Variants in ANKMY1 observed in about 807,000 individuals in gnomAD.
ANKMY1 encodes ankyrin repeat and MYND domain containing 1, also known as ankyrin repeat and MYND domain-containing protein 1.
In ANKMY1, 98 loss-of-function variants were observed where a neutral mutation model predicts 102.0. That is an observed-to-expected ratio of 0.96 (90% CI 0.82 to 1.14). The LOEUF (loss-of-function observed/expected upper bound fraction) is 1.14. Among genes scored for constraint, ANKMY1 ranks in the 50% most tolerant of loss-of-function variants. ANKMY1 has a pLI of 0.00. For missense variants in ANKMY1, 1,330 were observed against 1,347.6 expected (o/e 0.99, Z 0.20); for synonymous variants, 582 against 559.9 (o/e 1.04, Z -0.56).
chr2:240,468,635 G>A, the ANKMY1 span, among the ~76,000 whole-genome samples: 1 of 152,254 alleles, frequency 6.6e-6, no homozygotes, highest in Non-Finnish European at 1.5e-5. Flanking sequence ...ACTGTTCTGG[G>A]TGTGTCCCTC....
chr2:240,491,768 T>G (rs2076683631), intron 15 of ANKMY1, among the ~76,000 whole-genome samples: 1 of 152,210 alleles, frequency 6.6e-6, no homozygotes, highest in Non-Finnish European at 1.5e-5. Context: ...ATGTTTCTGC[T>G]GAGAAATTTG....
intron 15 of ANKMY1, among the ~76,000 whole-genome samples, chr2:240,490,968 T>C (rs1205205527): frequency 6.6e-6 from 1 of 152,196 alleles, no homozygotes; most frequent in African/African-American, 2.4e-5. Flanking sequence ...TATATCTATC[T>C]GTCTTTAGAT....
intron 4 of ANKMY1, among the ~76,000 whole-genome samples, chr2:240,538,711 C>T (rs559268096): frequency 6.6e-6 from 1 of 152,286 alleles, no homozygotes; most frequent in East Asian, 1.9e-4. Flanking sequence ...GTGCGATCCA[C>T]TAGGCAAAGC....
In ANKMY1 at chr2:240,529,646, T is replaced by C. The variant is rs766133825; in HGVS notation, c.481-137A>G. ...CATGCATTCAGCCAGTAAACATCTCTGGAGGCTTAGGCTGTGCCGCCCAGG... is the reference window on the plus strand; with the variant it reads ...CATGCATTCAGCCAGTAAACATCTCCGGAGGCTTAGGCTGTGCCGCCCAGG... On this transcript the variant is annotated intron_variant, in intron 4 of 17. Coordinates refer to ENST00000401804, the MANE Select transcript of ANKMY1 (RefSeq NM_001282771.3). This position sits in a 1 kb window ranked among gnomAD's most constrained non-coding sequence, Gnocchi z 4.2. The C allele has an allele frequency of 1.1e-6, 1 of 880,834 alleles. No individual in the cohort carries two copies. Among genetic ancestry groups the C allele is most frequent in the South Asian group, 1.8e-5 (1 of 55,346 alleles). 54.6% of individuals were successfully genotyped at this position (880,834 alleles called of 1,614,324 possible). A position where few individuals can be genotyped will look rare whatever the true frequency, so the allele number is the denominator to read the frequency against.
At chr2:240,507,497 T>A in intron 13 of ANKMY1, 63 bp downstream of exon 13, 1 of 1,359,292 alleles carries the variant, frequency 7.4e-7, no homozygotes, top group Non-Finnish European at 9.7e-7. Flanking sequence ...CACCCCTCAC[T>A]CAGGGCCACC....
At chr2:240,558,867 C>T (rs1034082578), upstream of ANKMY1, among the ~76,000 whole-genome samples, 1 of 152,178 alleles carries the variant, frequency 6.6e-6, no homozygotes, top group African/African-American at 2.4e-5. Context: ...CGACCCAGTA[C>T]AAACCACTCA....
At chr2:240,518,409 C>A (rs117116149) in intron 9 of ANKMY1, among the ~76,000 whole-genome samples, 1 of 152,308 alleles carries the variant, frequency 6.6e-6, no homozygotes, top group East Asian at 1.9e-4. Flanking sequence ...CTTTCCCACA[C>A]GTGGTTATAT....
intron 4 of ANKMY1, among the ~76,000 whole-genome samples, chr2:240,545,269 G>A (rs1193235183): frequency 4.6e-5 from 7 of 152,194 alleles, no homozygotes; most frequent in East Asian, 1.9e-4. Context: ...TCACAGGGCC[G>A]GGTACTCCAA....
intron 15 of ANKMY1, among the ~76,000 whole-genome samples, chr2:240,484,344 C>T (rs2075793918): frequency 6.6e-6 from 1 of 152,074 alleles, no homozygotes; most frequent in African/African-American, 2.4e-5. Context: ...GTACTGGTAC[C>T]AAAACAGAGA....
chr2:240,520,548 G>A lies in ANKMY1; in HGVS notation c.1833-15C>T. ...GCTTCCTCCGCCTGAAAAAGACGGT[G>A]CGCCCGTGGGCCCCTGGAGGGCAGG... On this transcript the variant is annotated splice_polypyrimidine_tract_variant and intron_variant, in intron 8 of 17. Coordinates refer to ENST00000401804, the MANE Select transcript of ANKMY1 (RefSeq NM_001282771.3). The surrounding 1 kb of genome is among the most constrained non-coding windows in gnomAD (Gnocchi z 4.8). 1 of 1,604,390 alleles carries A rather than the reference G, an allele frequency of 6.2e-7. No individual in the cohort carries two copies. Among genetic ancestry groups the A allele is most frequent in the Non-Finnish European group, 8.5e-7 (1 of 1,175,024 alleles).
intron 11 of ANKMY1, among the ~76,000 whole-genome samples, chr2:240,510,030 C>T (rs984840343): frequency 6.9e-6 from 1 of 144,876 alleles, no homozygotes; most frequent in Middle Eastern, 3.9e-3. Flanking sequence ...CGTCCCTGTC[C>T]TCCCTTCCTA....
chr2:240,538,355 C>CG (rs1162327273), intron 4 of ANKMY1, among the ~76,000 whole-genome samples: 2 of 152,210 alleles, frequency 1.3e-5, no homozygotes, highest in East Asian at 3.9e-4. Flanking sequence ...GGCGTGGGCT[C>CG]GGGGGGCCCA....
rs759410238 is a variant in ANKMY1, at chr2:240,554,825, G to C, written c.336+41C>G. On this transcript the variant is annotated intron_variant, in intron 3 of 17. Coordinates refer to ENST00000401804, the MANE Select transcript of ANKMY1 (RefSeq NM_001282771.3). ...GGAAGGATAAAGGCCAGCCACCAGAGGCCCTAGGGGAGGAGGCGGAGAAAG... is the reference window on the plus strand; with the variant it reads ...GGAAGGATAAAGGCCAGCCACCAGACGCCCTAGGGGAGGAGGCGGAGAAAG... The C allele has an allele frequency of 4.7e-5, 76 of 1,607,068 alleles. 1 individual carries two copies. The South Asian group carries it at 8.2e-4, about 17-fold the overall frequency.
chr2:240,554,679 C>A (rs2092073084), intron 3 of ANKMY1, 187 bp downstream of exon 3: 2 of 650,420 alleles, frequency 3.1e-6, no homozygotes, highest in African/African-American at 3.6e-5. Flanking sequence ...CCCAGCAAAC[C>A]ATGGGTGTGA....
rs557318375 is a variant in ANKMY1 at position 240,490,940 on chromosome 2, A to G, written c.2807-8679T>C. The stretch of plus-strand genomic sequence containing the variant: ...TGAGAGTGTGGTATTGAAGACCCCC[A>G]TTATTATTGTATTGCAGTATATCTA... On this transcript the variant is annotated intron_variant, in intron 15 of 17. Transcript: ENST00000401804. 3.3e-5 allele frequency among the ~76,000 whole-genome samples: 5 copies of G among 152,192 alleles called. No homozygotes were observed. The East Asian group carries it at 7.7e-4, about 23-fold the overall frequency.
chr2:240,555,357 T>A, intron 2 of ANKMY1: 1 of 396,844 alleles, frequency 2.5e-6, no homozygotes. Flanking sequence ...CGGCATCTCC[T>A]GAGATCGATG....
At chr2:240,517,131 T>C (rs1177642189) in intron 9 of ANKMY1, among the ~76,000 whole-genome samples, 1 of 152,244 alleles carries the variant, frequency 6.6e-6, no homozygotes, top group African/African-American at 2.4e-5. Context: ...AATCTGTTTT[T>C]TATAATGGGA....
chr2:240,560,762 C>G (rs1217172124), upstream of ANKMY1: 3 of 1,482,276 alleles, frequency 2.0e-6, no homozygotes, highest in Non-Finnish European at 2.7e-6. Context: ...CGCCCTCACT[C>G]TTCCTCGGGA....
chr2:240,479,719 T>C, intron 17 of ANKMY1, 64 bp from the exon 18 acceptor site: 1 of 1,490,230 alleles, frequency 6.7e-7, no homozygotes, highest in Non-Finnish European at 9.3e-7. Context: ...CCCCGAGGCC[T>C]GGCTCCAGAA....
Sources: gnomAD v4.1 joint callset for allele counts (sites outside exome capture counted in the v4.1 genomes callset) on GRCh38, gnomAD v4.1.1 for gene constraint, Gnocchi (gnomAD v3.1) non-coding constraint, MANE v1.5 for transcripts, NCBI Gene and HGNC (gene_info 2026-07-23, HGNC 2026-07-21) for gene names.